Variants in CDH13 observed in about 807,000 individuals in gnomAD.
CDH13 encodes the protein cadherin 13, also known as cadherin-13.
In CDH13, 24 loss-of-function variants were observed where a neutral mutation model predicts 63.8. The observed-to-expected ratio is 0.38, with a 90% CI of 0.27 to 0.53. CDH13 has a LOEUF of 0.53. Among genes scored for constraint, CDH13 ranks in the 20% least tolerant of loss-of-function variants. The pLI, the probability that CDH13 is intolerant of heterozygous loss-of-function variation, is 0.85. For missense variants in CDH13, 1,049 were observed against 903.1 expected (o/e 1.16, Z -2.07); for synonymous variants, 503 against 355.3 (o/e 1.42, Z -4.67).
At chr16:83,353,126 A>G (rs930831251) in intron 6 of CDH13, among the ~76,000 whole-genome samples, 13 of 152,206 alleles carry the variant, frequency 8.5e-5, no homozygotes, top group African/African-American at 3.1e-4. Context: ...AGTACAATAT[A>G]TGTTACTCAG....
At chr16:83,169,494 C>T (rs562964501) in intron 4 of CDH13, among the ~76,000 whole-genome samples, 1 of 151,890 alleles carries the variant, frequency 6.6e-6, no homozygotes, top group South Asian at 2.1e-4. Context: ...AAATGGGCCA[C>T]TTTGATTGAT....
At chr16:83,178,268 T>C (rs1250423450) in intron 4 of CDH13, among the ~76,000 whole-genome samples, 2 of 152,132 alleles carry the variant, frequency 1.3e-5, no homozygotes, top group Non-Finnish European at 2.9e-5. Context: ...GCTGTACCCA[T>C]TAGCTACCAG....
At chr16:83,105,877 G>A (rs190838371) in intron 3 of CDH13, among the ~76,000 whole-genome samples, 2 of 152,294 alleles carry the variant, frequency 1.3e-5, no homozygotes, top group African/African-American at 4.8e-5. Context: ...GTGAGTCAGC[G>A]AAGATGGTAT....
intron 6 of CDH13, among the ~76,000 whole-genome samples, chr16:83,468,870 G>A (rs994450458): frequency 6.6e-6 from 1 of 152,156 alleles, no homozygotes; most frequent in Non-Finnish European, 1.5e-5. Flanking sequence ...CATCACCTAG[G>A]CATTAAGCCC....
chr16:83,796,097 C>T lies in CDH13; in HGVS notation c.*1067C>T, dbSNP rs191346003. 8.5e-5 allele frequency: 13 copies of T among 152,746 alleles called. No individual in the cohort carries two copies. The highest frequency in any genetic ancestry group is 8.3e-4 in the South Asian group (4 of 4,828). The allele number at this position is 152,746 out of a possible 1,614,324, so 9.5% of individuals were successfully genotyped here. ...AAAAGTACCCTTTTGTGTGAATTGA[C>T]TACCGTTGTTTGCAAACCCGAAAAT... On this transcript the variant is annotated 3_prime_UTR_variant, in exon 14 of 14. Transcript: ENST00000567109.
intron 7 of CDH13, among the ~76,000 whole-genome samples, chr16:83,600,173 G>A (rs950544750): frequency 1.3e-5 from 2 of 152,278 alleles, no homozygotes; most frequent in Admixed American, 6.5e-5. Flanking sequence ...AAGCACCTTC[G>A]CAGACCAGCG....
chr16:83,726,963 A>G (rs1351544829), intron 10 of CDH13, among the ~76,000 whole-genome samples: 1 of 152,194 alleles, frequency 6.6e-6, no homozygotes, highest in African/African-American at 2.4e-5. Context: ...CCTGGAAATC[A>G]TGGATACCTC....
At chr16:83,584,461 G>A (rs1434716388) in intron 7 of CDH13, among the ~76,000 whole-genome samples, 1 of 152,172 alleles carries the variant, frequency 6.6e-6, no homozygotes, top group Non-Finnish European at 1.5e-5. Flanking sequence ...CAAGAGCTCT[G>A]CAGTCTTTCT....
chr16:82,687,713 A>C (rs1378071659), intron 1 of CDH13, among the ~76,000 whole-genome samples: 1 of 152,132 alleles, frequency 6.6e-6, no homozygotes, highest in Non-Finnish European at 1.5e-5. Flanking sequence ...GGCTGGGGAC[A>C]CAGAGCCAAG....
intron 1 of CDH13, among the ~76,000 whole-genome samples, chr16:82,778,831 T>C (rs1015609914): frequency 6.6e-6 from 1 of 152,182 alleles, no homozygotes; most frequent in African/African-American, 2.4e-5. Flanking sequence ...CCTTCCTTAA[T>C]TCCATGGTGG....
intron 2 of CDH13, among the ~76,000 whole-genome samples, chr16:83,004,191 G>C (rs981276924): frequency 2.0e-5 from 3 of 152,192 alleles, no homozygotes; most frequent in African/African-American, 7.2e-5. Context: ...TATACCGTGA[G>C]TATCTGTGTT....
chr16:83,214,922 A>C (rs78719974), intron 4 of CDH13, among the ~76,000 whole-genome samples: 3 of 152,202 alleles, frequency 2.0e-5, no homozygotes, highest in East Asian at 3.9e-4. Context: ...TGCCAGCCAC[A>C]GGGATCCAAT....
At chr16:83,292,749 G>A (rs2089494789) in intron 5 of CDH13, among the ~76,000 whole-genome samples, 1 of 152,112 alleles carries the variant, frequency 6.6e-6, no homozygotes, top group Non-Finnish European at 1.5e-5. Flanking sequence ...TATCCTCAGG[G>A]TATGTTCAGA....
intron 4 of CDH13, among the ~76,000 whole-genome samples, chr16:83,172,175 T>C (rs57640476): frequency 0.063 from 9,519 of 152,040 alleles, 535 homozygotes; most frequent in African/African-American, 0.14. Flanking sequence ...AGACTCACAC[T>C]CAGAGAGAAC....
intron 6 of CDH13, among the ~76,000 whole-genome samples, chr16:83,395,725 G>A (rs530789943): frequency 6.6e-6 from 1 of 152,314 alleles, no homozygotes; most frequent in East Asian, 1.9e-4. Flanking sequence ...GGTTGAAACT[G>A]AAGGCGGCTG....
rs955782997 is a variant in CDH13 at position 82,655,452 on chromosome 16, C to T, written c.45+28315C>T. On this transcript the variant is annotated intron_variant, in intron 1 of 13. Coordinates refer to ENST00000567109, the MANE Select transcript of CDH13 (RefSeq NM_001257.5). Reference sequence around the variant, plus strand: ...AGTGTATGCCAGGAAGAGCAAAAAGCAAGTGCAAAGTCCTAAAGCAGGAAA... The same window carrying T: ...AGTGTATGCCAGGAAGAGCAAAAAGTAAGTGCAAAGTCCTAAAGCAGGAAA... 3.3e-5 allele frequency among the ~76,000 whole-genome samples: 5 copies of T among 152,218 alleles called. No homozygotes were observed. In the East Asian group the frequency reaches 9.7e-4, roughly 29 times the overall value.
At chr16:82,963,577 T>G (rs910050558) in intron 2 of CDH13, among the ~76,000 whole-genome samples, 1 of 152,144 alleles carries the variant, frequency 6.6e-6, no homozygotes, top group African/African-American at 2.4e-5. Flanking sequence ...CTTATATAAC[T>G]GTCATTATAT....
chr16:83,665,301 A>T (rs1913841707), intron 8 of CDH13, among the ~76,000 whole-genome samples: 1 of 152,220 alleles, frequency 6.6e-6, no homozygotes, highest in Admixed American at 6.5e-5. Flanking sequence ...CCAATTTCTT[A>T]GTAAGAATTT....
intron 6 of CDH13, among the ~76,000 whole-genome samples, chr16:83,476,025 C>T (rs918693916): frequency 4.6e-5 from 7 of 152,202 alleles, no homozygotes; most frequent in African/African-American, 1.7e-4. Context: ...AATTATTTAC[C>T]TGCTTCCTAC....
Sources: gnomAD v4.1 joint callset for allele counts (sites outside exome capture counted in the v4.1 genomes callset) on GRCh38, gnomAD v4.1.1 for gene constraint, MANE v1.5 for transcripts, NCBI Gene and HGNC (gene_info 2026-07-23, HGNC 2026-07-21) for gene names.